The following TBL1XR1 variants were observed in gnomAD, a reference collection of about 807,000 sequenced individuals.
TBL1XR1 encodes the protein TBL1X/Y related 1, also known as F-box-like/WD repeat-containing protein TBL1XR1.
A neutral mutation model predicts 66.9 loss-of-function variants in TBL1XR1; 5 were observed. That is an observed-to-expected ratio of 0.07 (90% CI 0.04 to 0.16). The LOEUF (loss-of-function observed/expected upper bound fraction) is 0.16. Ranked by LOEUF, TBL1XR1 falls within the 10% of genes least tolerant of loss-of-function variation. The probability of loss-of-function intolerance (pLI) is 1.00; values close to 1 mark genes in which losing one functional copy is unlikely to be tolerated. For missense variants in TBL1XR1, 238 were observed against 623.2 expected (o/e 0.38, Z 6.58); for synonymous variants, 210 against 206.0 (o/e 1.02, Z -0.17).
chr3:177,040,130 C>G (rs1042503689), intron 10 of TBL1XR1, among the ~76,000 whole-genome samples: 1 of 152,088 alleles, frequency 6.6e-6, no homozygotes, highest in Non-Finnish European at 1.5e-5. Flanking sequence ...CCAGCCTGGG[C>G]AAGACAGTGG....
At chr3:177,158,443 G>T (rs1240286992) in intron 1 of TBL1XR1, among the ~76,000 whole-genome samples, 1 of 151,776 alleles carries the variant, frequency 6.6e-6, no homozygotes, top group Non-Finnish European at 1.5e-5. Context: ...TGGCCAGGCT[G>T]GTCTCGAACT....
chr3:177,099,164 C>T (rs573100175), intron 1 of TBL1XR1, among the ~76,000 whole-genome samples: 82 of 152,018 alleles, frequency 5.4e-4, no homozygotes, highest in Non-Finnish European at 1.0e-3. Context: ...GTCAGGAATT[C>T]GAGATCAGCC....
intron 2 of TBL1XR1, among the ~76,000 whole-genome samples, chr3:177,089,099 T>G (rs1276057636): frequency 6.6e-6 from 1 of 152,172 alleles, no homozygotes; most frequent in African/African-American, 2.4e-5. Context: ...CTTCTTTCAG[T>G]TTTTTAAGAA....
At chr3:177,178,695 G>T (rs983549668) in intron 1 of TBL1XR1, among the ~76,000 whole-genome samples, 2 of 151,914 alleles carry the variant, frequency 1.3e-5, no homozygotes, top group African/African-American at 4.8e-5. Flanking sequence ...GGAATCCAGC[G>T]ATCTATTGGA....
intron 1 of TBL1XR1, among the ~76,000 whole-genome samples, chr3:177,123,156 A>G (rs1560200916): frequency 6.6e-6 from 1 of 152,130 alleles, no homozygotes; most frequent in Non-Finnish European, 1.5e-5. Flanking sequence ...AACAGACAAA[A>G]AGAAAATCTT....
intron 1 of TBL1XR1, among the ~76,000 whole-genome samples, chr3:177,135,064 G>A (rs1447678116): frequency 6.6e-6 from 1 of 150,872 alleles, no homozygotes; most frequent in Non-Finnish European, 1.5e-5. Context: ...GTGCAATGAT[G>A]CCATCTCTGC....
chr3:177,073,585 G>T (rs1215716106), intron 2 of TBL1XR1, among the ~76,000 whole-genome samples: 5 of 152,088 alleles, frequency 3.3e-5, no homozygotes, highest in Non-Finnish European at 7.4e-5. Flanking sequence ...CTTAAATTTA[G>T]TTTTTCTATC....
At chr3:177,104,455 C>T (rs1346568978) in intron 1 of TBL1XR1, among the ~76,000 whole-genome samples, 2 of 152,178 alleles carry the variant, frequency 1.3e-5, no homozygotes, top group Admixed American at 1.3e-4. Flanking sequence ...TCACCCGATC[C>T]TCATTTCCCA....
At chr3:177,131,874 G>C (rs1728334842) in intron 1 of TBL1XR1, among the ~76,000 whole-genome samples, 1 of 148,082 alleles carries the variant, frequency 6.8e-6, no homozygotes, top group Admixed American at 6.8e-5. Flanking sequence ...CAAGATTCCT[G>C]CTCTACTGGC....
intron 1 of TBL1XR1, among the ~76,000 whole-genome samples, chr3:177,122,934 A>C (rs1727154058): frequency 6.6e-6 from 1 of 152,158 alleles, no homozygotes; most frequent in South Asian, 2.1e-4. Flanking sequence ...TCTAAATTCA[A>C]GTAATAGAAC....
At chr3:177,178,915 C>G (rs1280714160) in intron 1 of TBL1XR1, among the ~76,000 whole-genome samples, 2 of 151,944 alleles carry the variant, frequency 1.3e-5, no homozygotes, top group East Asian at 3.9e-4. Flanking sequence ...ATCAGGAGAT[C>G]GAGACCATCC....
chr3:177,143,622 C>T (rs1729883831), intron 1 of TBL1XR1, among the ~76,000 whole-genome samples: 1 of 152,150 alleles, frequency 6.6e-6, no homozygotes, highest in Admixed American at 6.5e-5. Context: ...CAGTAAAATA[C>T]TAGATTATAT....
chr3:177,111,610 T>C (rs971798252), intron 1 of TBL1XR1, among the ~76,000 whole-genome samples: 3 of 152,118 alleles, frequency 2.0e-5, no homozygotes, highest in Non-Finnish European at 4.4e-5. Context: ...CACTATCATC[T>C]TATAAGCATC....
intron 1 of TBL1XR1, among the ~76,000 whole-genome samples, chr3:177,179,073 C>T (rs1734489146): frequency 6.8e-6 from 1 of 147,680 alleles, no homozygotes; most frequent in South Asian, 2.1e-4. Flanking sequence ...GCCAAGATCA[C>T]GCCATTGCAC....
intron 9 of TBL1XR1, 55 bp downstream of exon 9, chr3:177,047,245 C>A: frequency 7.1e-7 from 1 of 1,417,432 alleles, no homozygotes. Context: ...CAAAATACTG[C>A]TTTCAATTAA....
intron 1 of TBL1XR1, among the ~76,000 whole-genome samples, chr3:177,165,633 A>T (rs1732734447): frequency 6.6e-6 from 1 of 152,240 alleles, no homozygotes; most frequent in African/African-American, 2.4e-5. Flanking sequence ...GTGGAACAAA[A>T]TAGCCCAGAA....
At chr3:177,159,460 A>G (rs974017958) in intron 1 of TBL1XR1, among the ~76,000 whole-genome samples, 16 of 152,188 alleles carry the variant, frequency 1.1e-4, no homozygotes, top group Admixed American at 2.6e-4. Context: ...GTCAATATAT[A>G]TAATTTATAC....
chr3:177,053,222 C>G (rs947613206), intron 4 of TBL1XR1, among the ~76,000 whole-genome samples: 1 of 152,200 alleles, frequency 6.6e-6, no homozygotes, highest in African/African-American at 2.4e-5. Context: ...GCCATAAGGT[C>G]TCTGTCTCAA....
intron 1 of TBL1XR1, among the ~76,000 whole-genome samples, chr3:177,183,280 A>C (rs981567920): frequency 3.9e-5 from 6 of 152,230 alleles, no homozygotes; most frequent in African/African-American, 1.4e-4. Flanking sequence ...GGTTTATAAA[A>C]GCATGTTTTT....
Sources: gnomAD v4.1 joint callset for allele counts (sites outside exome capture counted in the v4.1 genomes callset) on GRCh38, gnomAD v4.1.1 for gene constraint, MANE v1.5 for transcripts, NCBI Gene and HGNC (gene_info 2026-07-23, HGNC 2026-07-21) for gene names.